Variants in RHOJ observed in about 807,000 individuals in gnomAD.
RHOJ encodes rho-related GTP-binding protein RhoJ.
RHOJ carries 11 observed loss-of-function variants against 23.4 expected under a neutral mutation model. The ratio of observed to expected loss-of-function variants is 0.47; its 90% CI spans 0.30 to 0.78. The LOEUF is 0.78. Among genes scored for constraint, RHOJ ranks in the 30% least tolerant of loss-of-function variants. The probability of loss-of-function intolerance (pLI) is 0.08; values close to 1 mark genes in which losing one functional copy is unlikely to be tolerated. For synonymous variants in RHOJ, 102 were observed against 102.7 expected (o/e 0.99, Z 0.04); for missense variants, 254 against 273.4 (o/e 0.93, Z 0.50).
In RHOJ at chr14:63,204,741, T is replaced by C. The variant is rs1290564445; in HGVS notation, c.-129T>C. ...TATCCCAGCCTCGGACATGTCTGTA[T>C]GATCCAAGGTACCCAAAGTCAGACA... On this transcript the variant is annotated 5_prime_UTR_variant, in exon 1 of 5. The change abolishes an upstream ATG in the 5' untranslated region. Coordinates refer to ENST00000316754, the MANE Select transcript of RHOJ (RefSeq NM_020663.5). The C allele has an allele frequency of 3.2e-5, 27 of 855,944 alleles. No individual in the cohort carries two copies. In the South Asian group the frequency reaches 3.3e-4, roughly 10 times the overall value. 53.0% of individuals were successfully genotyped at this position (855,944 alleles called of 1,614,324 possible).
At chr14:63,247,462 G>A (rs1283786678) in intron 1 of RHOJ, among the ~76,000 whole-genome samples, 1 of 151,532 alleles carries the variant, frequency 6.6e-6, no homozygotes, top group East Asian at 1.9e-4. Flanking sequence ...GTGAGTAGGT[G>A]AAAAAAAATA....
intron 1 of RHOJ, among the ~76,000 whole-genome samples, chr14:63,264,921 G>C (rs576342962): frequency 2.0e-5 from 3 of 152,170 alleles, no homozygotes; most frequent in Non-Finnish European, 4.4e-5. Flanking sequence ...ACCTCTGTCA[G>C]ATGTGTGGTT....
At chr14:63,233,632 T>C (rs1327449046) in intron 1 of RHOJ, among the ~76,000 whole-genome samples, 1 of 152,214 alleles carries the variant, frequency 6.6e-6, no homozygotes, top group East Asian at 1.9e-4. Context: ...ACAAACTAGA[T>C]TTTATTTAAT....
At chr14:63,276,550 C>T (rs187734293) in intron 2 of RHOJ, among the ~76,000 whole-genome samples, 14 of 152,280 alleles carry the variant, frequency 9.2e-5, no homozygotes, top group Middle Eastern at 3.4e-3. Context: ...AACAGTGCTA[C>T]GCATTCAGTA....
intron 1 of RHOJ, among the ~76,000 whole-genome samples, chr14:63,265,255 C>T (rs987039540): frequency 2.0e-5 from 3 of 152,184 alleles, no homozygotes; most frequent in African/African-American, 7.2e-5. Context: ...GCCAGCTATC[C>T]CAGCACCATT....
In RHOJ at chr14:63,204,999, G is replaced by T; in HGVS notation, c.130G>T (p.Asp44Tyr). 6.2e-7 allele frequency: 1 copy of T among 1,614,210 alleles called. No individual in the cohort carries two copies. Among genetic ancestry groups the T allele is most frequent in the Non-Finnish European group, 8.5e-7 (1 of 1,180,046 alleles). The change falls in exon 1 of 5, where the codon GAC becomes TAC. Residue 44 changes from aspartate to tyrosine, a missense_variant. Coordinates refer to ENST00000316754, the MANE Select transcript of RHOJ (RefSeq NM_020663.5). ...KTCLLMSYAN[D>Y]AFPEEYVPTV... The stretch of plus-strand genomic sequence containing the variant: ...CTGCCTGCTGATGAGCTACGCCAAC[G>T]ACGCCTTCCCAGAGGAATACGTGCC...
intron 1 of RHOJ, among the ~76,000 whole-genome samples, chr14:63,222,379 A>T (rs1309782689): frequency 6.6e-6 from 1 of 152,156 alleles, no homozygotes; most frequent in African/African-American, 2.4e-5. Context: ...TTCTAGTTCT[A>T]GATCCCTGAG....
intron 4 of RHOJ, 160 bp downstream of exon 4, chr14:63,283,376 G>A (rs1005266435): frequency 2.4e-5 from 15 of 628,100 alleles, no homozygotes; most frequent in Non-Finnish European, 3.9e-5. Context: ...AGTCGGGCTG[G>A]AAGGAGCCAT....
intron 1 of RHOJ, among the ~76,000 whole-genome samples, chr14:63,205,722 G>T (rs936334551): frequency 6.6e-6 from 1 of 152,156 alleles, no homozygotes; most frequent in African/African-American, 2.4e-5. Context: ...AGGACAAAAT[G>T]CACATAAAAT....
chr14:63,259,955 A>T (rs1895244972), intron 1 of RHOJ, among the ~76,000 whole-genome samples: 1 of 152,232 alleles, frequency 6.6e-6, no homozygotes, highest in Non-Finnish European at 1.5e-5. Flanking sequence ...TTAGGATGAC[A>T]ACCATGCACC....
chr14:63,291,325 TC>T lies in RHOJ; in HGVS notation c.*305del, dbSNP rs1426634099. 5 of 389,500 alleles carry T rather than the reference TC, an allele frequency of 1.3e-5. No individual in the cohort carries two copies. Among genetic ancestry groups the T allele is most frequent in the Non-Finnish European group, 1.9e-5 (4 of 207,452 alleles). 24.1% of individuals were successfully genotyped at this position (389,500 alleles called of 1,614,324 possible). A position where few individuals can be genotyped will look rare whatever the true frequency, so the allele number is the denominator to read the frequency against. ...CAAAGGCCATCTCACATTTTACAAA[TC>T]CCCAGCTCATGAACGTGAAGCTGAT... On this transcript the variant is annotated 3_prime_UTR_variant, in exon 5 of 5. Coordinates refer to ENST00000316754, the MANE Select transcript of RHOJ (RefSeq NM_020663.5).
intron 4 of RHOJ, among the ~76,000 whole-genome samples, chr14:63,286,305 A>G (rs996792672): frequency 3.3e-5 from 5 of 152,204 alleles, no homozygotes; most frequent in African/African-American, 7.2e-5. Flanking sequence ...ACACAGTAAC[A>G]CACATCTGGG....
chr14:63,279,148 C>T (rs1881820883), intron 2 of RHOJ, among the ~76,000 whole-genome samples: 2 of 152,192 alleles, frequency 1.3e-5, no homozygotes, highest in African/African-American at 2.4e-5. Flanking sequence ...GCAATGAGCA[C>T]ATACATGTTT....
chr14:63,283,371 G>T, intron 4 of RHOJ, 155 bp downstream of exon 4: 1 of 640,848 alleles, frequency 1.6e-6, no homozygotes. Context: ...GTTCTAGTCG[G>T]GCTGGAAGGA....
chr14:63,290,638 C>T (rs1156408467), intron 4 of RHOJ, among the ~76,000 whole-genome samples: 1 of 147,744 alleles, frequency 6.8e-6, no homozygotes, highest in African/African-American at 2.5e-5. Flanking sequence ...CAGAAGTAAT[C>T]CACAACCATT....
At chr14:63,249,464 A>C (rs1895031126) in intron 1 of RHOJ, among the ~76,000 whole-genome samples, 2 of 152,206 alleles carry the variant, frequency 1.3e-5, no homozygotes, top group Non-Finnish European at 2.9e-5. Flanking sequence ...TGCAGTGCCT[A>C]AGAATTCACC....
At chr14:63,211,851 G>A (rs150635315) in intron 1 of RHOJ, among the ~76,000 whole-genome samples, 1 of 152,280 alleles carries the variant, frequency 6.6e-6, no homozygotes, top group African/African-American at 2.4e-5. Flanking sequence ...TAAACTGCTT[G>A]TAATGGGGTA....
chr14:63,275,227 G>A (rs1252123462), intron 2 of RHOJ, among the ~76,000 whole-genome samples: 3 of 152,088 alleles, frequency 2.0e-5, no homozygotes, highest in African/African-American at 4.8e-5. Context: ...CTGGAGAAAG[G>A]ATCACTTGAG....
chr14:63,215,916 A>G (rs966813817), intron 1 of RHOJ, among the ~76,000 whole-genome samples: 5 of 152,176 alleles, frequency 3.3e-5, no homozygotes, highest in Admixed American at 1.3e-4. Flanking sequence ...GAATGAATGA[A>G]TGAATGACAT....
Sources: allele counts gnomAD v4.1 joint callset (sites outside exome capture counted in the v4.1 genomes callset), GRCh38; gene constraint gnomAD v4.1.1; transcripts MANE v1.5; gene names NCBI Gene and HGNC (gene_info 2026-07-23, HGNC 2026-07-21).